PSEN1: variants seen among roughly 807,000 people sequenced by gnomAD.
PSEN1 encodes presenilin 1, also known as presenilin-1.
PSEN1 carries 15 observed loss-of-function variants against 53.5 expected under a neutral mutation model. The observed-to-expected ratio is 0.28, with a 90% CI of 0.19 to 0.43. The LOEUF is 0.43. Ranked by LOEUF, PSEN1 falls within the 20% of genes least tolerant of loss-of-function variation. The pLI is 1.00. For missense variants in PSEN1, 387 were observed against 571.2 expected, an observed-to-expected ratio of 0.68 and a Z score of 3.29; for synonymous variants, 208 against 209.8, an observed-to-expected ratio of 0.99 and a Z score of 0.08.
chr14:73,141,964 G>A (rs1896942011), intron 1 of PSEN1, among the ~76,000 whole-genome samples: 1 of 151,980 alleles, frequency 6.6e-6, no homozygotes, highest in Admixed American at 6.6e-5. Flanking sequence ...CTACTTGGGA[G>A]GCTGAGGCAG....
intron 5 of PSEN1, among the ~76,000 whole-genome samples, chr14:73,180,781 G>C (rs1595012826): frequency 6.6e-6 from 1 of 152,136 alleles, no homozygotes; most frequent in African/African-American, 2.4e-5. Context: ...AGATGAGAAA[G>C]GCCTGTTGAA....
At chr14:73,170,771 T>C (rs757428219) in intron 3 of PSEN1, 26 bp from the exon 4 acceptor site, 1 of 1,613,650 alleles carries the variant, frequency 6.2e-7, no homozygotes, top group Non-Finnish European at 8.5e-7. Flanking sequence ...TCTGATTTAC[T>C]GAAAATGTTT....
At chr14:73,138,431 G>A (rs1896811203) in intron 1 of PSEN1, among the ~76,000 whole-genome samples, 1 of 151,056 alleles carries the variant, frequency 6.6e-6, no homozygotes, top group African/African-American at 2.4e-5. Flanking sequence ...GTGTTAGCCA[G>A]TATGGTCTCG....
rs1258736994 is a variant in PSEN1 at position 73,170,830 on chromosome 14, A to G, written c.121A>G (p.Arg41Gly). The change falls in exon 4 of 12, where the codon AGA (arginine) becomes GGA (glycine). Residue 41 changes from arginine to glycine, a missense_variant. This residue lies in a region of PSEN1 where 99 missense variants were observed against 101.5 expected (regional missense o/e 0.98). Coordinates refer to ENST00000324501, the MANE Select transcript of PSEN1 (RefSeq NM_000021.4). ...DNRERQEHND[R>G]RSLGHPEPLS... ...TAGAGAACGGCAGGAGCACAACGAC[A>G]GACGGAGCCTTGGCCACCCTGAGCC... 2 of 1,614,224 alleles carry G rather than the reference A, an allele frequency of 1.2e-6. No homozygotes were observed. Among genetic ancestry groups the G allele is most frequent in the Admixed American group, 1.7e-5 (1 of 60,024 alleles).
intron 10 of PSEN1, among the ~76,000 whole-genome samples, chr14:73,213,739 T>C (rs1356775357): frequency 6.6e-6 from 1 of 152,140 alleles, no homozygotes; most frequent in Non-Finnish European, 1.5e-5. Context: ...AAATGATCTG[T>C]AAACACATAA....
chr14:73,193,540 ACT>A (rs1200573635), intron 7 of PSEN1, among the ~76,000 whole-genome samples: 1 of 110,862 alleles, frequency 9.0e-6, no homozygotes, highest in East Asian at 2.6e-4. Context: ...ACAGAGCGAG[ACT>A]CTGTCTCAAA....
chr14:73,163,457 T>G (rs1438738976), intron 3 of PSEN1, among the ~76,000 whole-genome samples: 3 of 152,170 alleles, frequency 2.0e-5, no homozygotes, highest in Non-Finnish European at 4.4e-5. Context: ...CAGGAGTCAT[T>G]CATTAATTAA....
intron 3 of PSEN1, among the ~76,000 whole-genome samples, chr14:73,160,401 A>G (rs1897494992): frequency 6.6e-6 from 1 of 152,176 alleles, no homozygotes; most frequent in Admixed American, 6.5e-5. Flanking sequence ...GTTCGTTTTT[A>G]TATATACTCA....
intron 5 of PSEN1, 146 bp from the exon 6 acceptor site, chr14:73,186,707 G>A (rs376400981): frequency 7.9e-5 from 58 of 734,302 alleles, no homozygotes; most frequent in South Asian, 7.6e-4. Context: ...AACCCAGGAG[G>A]CAGAGGTTGT....
At chr14:73,194,742 G>T (rs1898871543) in intron 7 of PSEN1, among the ~76,000 whole-genome samples, 1 of 151,368 alleles carries the variant, frequency 6.6e-6, no homozygotes, top group African/African-American at 2.4e-5. Flanking sequence ...CTATTTTTTT[G>T]TATTTGTAGT....
At chr14:73,153,352 A>G (rs562686985) in intron 3 of PSEN1, among the ~76,000 whole-genome samples, 1 of 152,356 alleles carries the variant, frequency 6.6e-6, no homozygotes, top group East Asian at 1.9e-4. Context: ...TAAGCCTAAC[A>G]TAACAGCCCC....
chr14:73,203,497 G>A (rs1899316994), intron 8 of PSEN1, among the ~76,000 whole-genome samples: 1 of 152,082 alleles, frequency 6.6e-6, no homozygotes, highest in Non-Finnish European at 1.5e-5. Context: ...CTTTTTCCCT[G>A]AAGTGGATAT....
chr14:73,140,964 G>A (rs1163140163), intron 1 of PSEN1, among the ~76,000 whole-genome samples: 1 of 152,132 alleles, frequency 6.6e-6, no homozygotes, highest in Non-Finnish European at 1.5e-5. Flanking sequence ...GCCTTATTCT[G>A]GGGCCCAGGC....
At chr14:73,187,007 T>A in intron 6 of PSEN1, 87 bp downstream of exon 6, 1 of 1,062,190 alleles carries the variant, frequency 9.4e-7, no homozygotes, top group South Asian at 1.3e-5. Context: ...ACTTTGTTGA[T>A]GAATTACTCT....
chr14:73,157,127 CTT>C (rs548020172), intron 3 of PSEN1, among the ~76,000 whole-genome samples: 6 of 142,284 alleles, frequency 4.2e-5, no homozygotes, highest in Non-Finnish European at 3.1e-5. Flanking sequence ...AGAAAGATAC[CTT>C]TTTTTTTTTT....
At chr14:73,153,920 G>T (rs1209954180) in intron 3 of PSEN1, among the ~76,000 whole-genome samples, 1 of 151,920 alleles carries the variant, frequency 6.6e-6, no homozygotes, top group East Asian at 1.9e-4. Context: ...CACCATGTTG[G>T]TCAGGCTGGT....
intron 11 of PSEN1, 59 bp downstream of exon 11, chr14:73,217,303 A>G: frequency 6.3e-7 from 1 of 1,592,778 alleles, no homozygotes; most frequent in Non-Finnish European, 8.6e-7. Context: ...TTGATTACAC[A>G]GTCCCTTTAA....
intron 3 of PSEN1, among the ~76,000 whole-genome samples, chr14:73,155,147 A>G (rs1255352473): frequency 6.6e-6 from 1 of 152,236 alleles, no homozygotes; most frequent in African/African-American, 2.4e-5. Flanking sequence ...TGTGGCAGTA[A>G]TCTCAATCTT....
chr14:73,171,489 G>C (rs1897888835), intron 4 of PSEN1, among the ~76,000 whole-genome samples: 1 of 152,088 alleles, frequency 6.6e-6, no homozygotes, highest in South Asian at 2.1e-4. Flanking sequence ...TCTCAGCAAG[G>C]CAAGTTACTT....
Sources: allele counts gnomAD v4.1 joint callset (sites outside exome capture counted in the v4.1 genomes callset), GRCh38; gene constraint gnomAD v4.1.1; regional missense constraint gnomAD v4.1.1; transcripts MANE v1.5; gene names NCBI Gene and HGNC (gene_info 2026-07-23, HGNC 2026-07-21).